PXK: variants seen among roughly 807,000 people sequenced by gnomAD.
PXK encodes the protein PX domain-containing protein kinase-like protein.
PXK carries 35 observed loss-of-function variants against 84.7 expected under a neutral mutation model. That is an observed-to-expected ratio of 0.41 (90% CI 0.32 to 0.55). The LOEUF (loss-of-function observed/expected upper bound fraction) is 0.55. Among genes scored for constraint, PXK ranks in the 20% least tolerant of loss-of-function variants. The probability of loss-of-function intolerance (pLI) is 0.21; values close to 1 mark genes in which losing one functional copy is unlikely to be tolerated. For missense variants in PXK, 634 were observed against 699.7 expected (o/e 0.91, Z 1.06); for synonymous variants, 253 against 260.8 (o/e 0.97, Z 0.29).
intron 17 of PXK, chr3:58,422,328 T>G: frequency 1.0e-6 from 1 of 985,352 alleles, no homozygotes; most frequent in Non-Finnish European, 1.2e-6. Flanking sequence ...TTGCCCTGGT[T>G]GTACATAAGA....
chr3:58,340,270 G>T lies in PXK; in HGVS notation c.102+7180G>T, dbSNP rs57968175. ...CCTGAGTAGCTGGAACTACAGACAC[G>T]CATCACAATACCTGGCTAATTTTTA... On this transcript the variant is annotated intron_variant, in intron 1 of 17. Coordinates refer to ENST00000356151, the MANE Select transcript of PXK (RefSeq NM_017771.5). Among the ~76,000 whole-genome samples, 5 of 151,016 alleles carry T rather than the reference G, an allele frequency of 3.3e-5. No homozygotes were observed. In the East Asian group the frequency reaches 1.0e-3, roughly 30 times the overall value.
rs1417174778 is a variant in PXK, at chr3:58,421,768, G to A, written c.1529-2984G>A. 1.0e-6 allele frequency: 1 copy of A among 985,342 alleles called. No homozygotes were observed. The highest frequency in any genetic ancestry group is 6.1e-5 in the Admixed American group (1 of 16,268). The allele number at this position is 985,342 out of a possible 1,614,324, so 61.0% of individuals were successfully genotyped here. Reference sequence around the variant, plus strand: ...TTTGGTGGAGAAGATTTTGGGGTGGGTAGAGTAAGTAGTTGGCTCTCAGGG... The same window carrying A: ...TTTGGTGGAGAAGATTTTGGGGTGGATAGAGTAAGTAGTTGGCTCTCAGGG... On this transcript the variant is annotated intron_variant, in intron 17 of 17. Transcript: ENST00000356151. This position sits in a 1 kb window ranked among gnomAD's most constrained non-coding sequence, Gnocchi z 5.5.
chr3:58,335,465 T>A (rs1019764131), intron 1 of PXK, among the ~76,000 whole-genome samples: 6 of 152,214 alleles, frequency 3.9e-5, no homozygotes, highest in African/African-American at 1.4e-4. Context: ...AAGTCTTTTT[T>A]AAAACAGGAA....
At chr3:58,389,225 T>C (rs1270394715) in intron 4 of PXK, among the ~76,000 whole-genome samples, 5 of 152,192 alleles carry the variant, frequency 3.3e-5, no homozygotes, top group Non-Finnish European at 7.3e-5. Context: ...AACCATGTTG[T>C]TGCTGTACAC....
intron 17 of PXK, among the ~76,000 whole-genome samples, chr3:58,415,334 C>T (rs1436325381): frequency 6.6e-6 from 1 of 152,204 alleles, no homozygotes; most frequent in Non-Finnish European, 1.5e-5. Flanking sequence ...GGATGGGACT[C>T]CAGAACTTTT....
At chr3:58,405,309 T>C (rs1193114901) in intron 13 of PXK, among the ~76,000 whole-genome samples, 1 of 152,028 alleles carries the variant, frequency 6.6e-6, no homozygotes. Context: ...TACAGAATAA[T>C]AAAGACAAAA....
At position 58,409,011 on chromosome 3, in the gene PXK, T is replaced by G. The variant is rs763327547; in HGVS notation, c.1308+10T>G. On this transcript the variant is annotated intron_variant, in intron 14 of 17. Coordinates refer to ENST00000356151, the MANE Select transcript of PXK (RefSeq NM_017771.5). The surrounding 1 kb of genome is among the most constrained non-coding windows in gnomAD (Gnocchi z 4.2). ...TGAGGAACAGAAACAGGTAAATTGA[T>G]AACGGTTCCTCTTTGCCTTTTAGTG... is the stretch of plus-strand genomic sequence containing the variant. The G allele has an allele frequency of 6.4e-7, 1 of 1,561,986 alleles. No homozygotes were observed. Among genetic ancestry groups the G allele is most frequent in the Middle Eastern group, 1.7e-4 (1 of 5,950 alleles).
chr3:58,402,907 A>C (rs570092005), intron 12 of PXK, among the ~76,000 whole-genome samples: 7 of 151,880 alleles, frequency 4.6e-5, no homozygotes, highest in African/African-American at 1.7e-4. Flanking sequence ...TCACCCAGCT[A>C]TTAAGCCCAG....
At chr3:58,405,852 G>A (rs779602667) in intron 13 of PXK, among the ~76,000 whole-genome samples, 2 of 152,034 alleles carry the variant, frequency 1.3e-5, no homozygotes, top group Non-Finnish European at 2.9e-5. Context: ...AGGGAAAGCT[G>A]GGAAAGTTTA....
At chr3:58,365,767 C>A in intron 1 of PXK, 107 bp from the exon 2 acceptor site, 1 of 855,288 alleles carries the variant, frequency 1.2e-6, no homozygotes, top group Non-Finnish European at 1.7e-6. Context: ...AATTTCCTTG[C>A]TCTGAAGTCT....
At chr3:58,352,982 C>T (rs2097965802) in intron 1 of PXK, among the ~76,000 whole-genome samples, 1 of 149,490 alleles carries the variant, frequency 6.7e-6, no homozygotes, top group South Asian at 2.2e-4. Context: ...AAAGTTAAAG[C>T]ACATGATTCT....
Position 58,333,210 on chromosome 3 carries a change from G to A in PXK, c.102+120G>A. On this transcript the variant is annotated intron_variant, in intron 1 of 17. Coordinates refer to ENST00000356151, the MANE Select transcript of PXK (RefSeq NM_017771.5). This position sits in a 1 kb window ranked among gnomAD's most constrained non-coding sequence, Gnocchi z 5.4. ...ACGGAGACCGGGCCACAGGGTGGGC[G>A]GCCCTGGCCGAGAAGGCTGTGGCGC... 1.8e-6 allele frequency: 1 copy of A among 543,732 alleles called. No individual in the cohort carries two copies. The highest frequency in any genetic ancestry group is 2.4e-6 in the Non-Finnish European group (1 of 422,460). The allele number at this position is 543,732 out of a possible 1,614,324, so 33.7% of individuals were successfully genotyped here. A position where few individuals can be genotyped will look rare whatever the true frequency, so the allele number is the denominator to read the frequency against.
Position 58,400,030 on chromosome 3 carries a change from G to A in PXK, c.1181+653G>A, listed in dbSNP as rs546944958. Among the ~76,000 whole-genome samples, 111 of 152,218 alleles carry A rather than the reference G, an allele frequency of 7.3e-4. 1 individual carries two copies. Among genetic ancestry groups the A allele is most frequent in the Non-Finnish European group, 8.4e-4 (57 of 68,012 alleles). ...TGTTCTTTCATGGAAAGGCAGCAGA[G>A]TGGTTAAGAAGGGTGTGCCTGGGGT... On this transcript the variant is annotated intron_variant, in intron 12 of 17. Coordinates refer to ENST00000356151, the MANE Select transcript of PXK (RefSeq NM_017771.5). This position sits in a 1 kb window ranked among gnomAD's most constrained non-coding sequence, Gnocchi z 4.0.
intron 1 of PXK, among the ~76,000 whole-genome samples, chr3:58,358,534 C>G (rs1466263946): frequency 6.6e-6 from 1 of 152,122 alleles, no homozygotes; most frequent in African/African-American, 2.4e-5. Flanking sequence ...ATCCTGTATC[C>G]CAAGCCTCCA....
intron 8 of PXK, 127 bp from the exon 9 acceptor site, chr3:58,395,531 C>T (rs1576514507): frequency 5.8e-6 from 4 of 695,478 alleles, no homozygotes; most frequent in Admixed American, 2.7e-5. Context: ...ATTTTAAAAA[C>T]TCACATCTTG....
intron 1 of PXK, among the ~76,000 whole-genome samples, chr3:58,338,690 C>CTTT (rs869295407): frequency 7.1e-6 from 1 of 140,486 alleles, no homozygotes. Context: ...CTTCCTTTTT[C>CTTT]TTTTTTTTTT....
At position 58,332,987 on chromosome 3, in the gene PXK, G is replaced by C; in HGVS notation, c.-2G>C. On this transcript the variant is annotated 5_prime_UTR_variant, in exon 1 of 18. Transcript: ENST00000356151. The surrounding 1 kb of genome is among the most constrained non-coding windows in gnomAD (Gnocchi z 5.6). ...TAGGCGGCGGCGGCCGGGCGTCCCG[G>C]GATGGCCTTCATGGAGAAGCCGCCA... 7.3e-7 allele frequency: 1 copy of C among 1,366,792 alleles called. No individual in the cohort carries two copies. Among genetic ancestry groups the C allele is most frequent in the African/African-American group, 1.5e-5 (1 of 65,424 alleles). 84.7% of individuals were successfully genotyped at this position (1,366,792 alleles called of 1,614,324 possible).
At chr3:58,394,671 C>G (rs1005703410) in intron 7 of PXK, among the ~76,000 whole-genome samples, 1 of 152,212 alleles carries the variant, frequency 6.6e-6, no homozygotes, top group Non-Finnish European at 1.5e-5. Flanking sequence ...AAAACTCAGA[C>G]ATTTTATCTC....
At chr3:58,380,007 A>G (rs2098482810) in intron 3 of PXK, among the ~76,000 whole-genome samples, 1 of 152,090 alleles carries the variant, frequency 6.6e-6, no homozygotes, top group South Asian at 2.1e-4. Context: ...AGAAAATTAA[A>G]AAGATAAAAT....
Sources: gnomAD v4.1 joint callset for allele counts (sites outside exome capture counted in the v4.1 genomes callset) on GRCh38, gnomAD v4.1.1 for gene constraint, Gnocchi (gnomAD v3.1) non-coding constraint, MANE v1.5 for transcripts, NCBI Gene and HGNC (gene_info 2026-07-23, HGNC 2026-07-21) for gene names.